Variants in LEKR1 observed in about 807,000 individuals in gnomAD.
LEKR1 encodes the protein leucine, glutamate and lysine rich 1.
In LEKR1, 59 loss-of-function variants were observed where a neutral mutation model predicts 72.4. That is an observed-to-expected ratio of 0.82 (90% CI 0.66 to 1.01). The LOEUF (loss-of-function observed/expected upper bound fraction) is 1.01. Among genes scored for constraint, LEKR1 ranks in the 50% least tolerant of loss-of-function variants. The pLI, the probability that LEKR1 is intolerant of heterozygous loss-of-function variation, is 0.00. For missense variants in LEKR1, 728 were observed against 759.2 expected, an observed-to-expected ratio of 0.96 and a Z score of 0.48; for synonymous variants, 257 against 263.2, an observed-to-expected ratio of 0.98 and a Z score of 0.23.
At chr3:156,893,489 G>A (rs1720863116) in intron 3 of LEKR1, among the ~76,000 whole-genome samples, 1 of 152,140 alleles carries the variant, frequency 6.6e-6, no homozygotes, top group Non-Finnish European at 1.5e-5. Context: ...GTTGGAGGTG[G>A]GGCCTGGTGG....
chr3:156,879,801 C>A (rs981155412), intron 3 of LEKR1, among the ~76,000 whole-genome samples: 1 of 152,232 alleles, frequency 6.6e-6, no homozygotes, highest in African/African-American at 2.4e-5. Context: ...CAAGGTACAG[C>A]TCGGGTTGTG....
intron 9 of LEKR1, among the ~76,000 whole-genome samples, chr3:157,011,146 C>A (rs1455578646): frequency 6.6e-6 from 1 of 152,006 alleles, no homozygotes; most frequent in Non-Finnish European, 1.5e-5. Flanking sequence ...TGTGACTCTG[C>A]ATATGTAGTT....
intron 3 of LEKR1, among the ~76,000 whole-genome samples, chr3:156,882,346 T>C (rs1254761536): frequency 2.0e-5 from 3 of 151,268 alleles, no homozygotes; most frequent in Non-Finnish European, 4.4e-5. Context: ...GCGAAGGACA[T>C]GAACAGACAC....
intron 3 of LEKR1, among the ~76,000 whole-genome samples, chr3:156,867,684 C>G (rs1576695034): frequency 6.6e-6 from 1 of 151,944 alleles, no homozygotes; most frequent in African/African-American, 2.4e-5. Flanking sequence ...TAGGTATATA[C>G]TGTCTTATTT....
chr3:157,000,809 A>G (rs756468858), intron 9 of LEKR1, among the ~76,000 whole-genome samples: 5 of 152,202 alleles, frequency 3.3e-5, no homozygotes, highest in Non-Finnish European at 7.3e-5. Flanking sequence ...CCCCACCCAA[A>G]TCTCATCTTG....
intron 5 of LEKR1, among the ~76,000 whole-genome samples, chr3:156,931,207 G>A (rs535909746): frequency 2.0e-5 from 3 of 152,162 alleles, no homozygotes; most frequent in African/African-American, 7.2e-5. Flanking sequence ...AATAATAAAA[G>A]TATTCAATCA....
intron 5 of LEKR1, among the ~76,000 whole-genome samples, chr3:156,930,142 T>C (rs1369838327): frequency 1.3e-5 from 2 of 152,102 alleles, no homozygotes; most frequent in African/African-American, 4.8e-5. Context: ...CATATAAGGC[T>C]GGATGGACTT....
chr3:157,013,997 A>T (rs180769363), intron 10 of LEKR1, among the ~76,000 whole-genome samples: 1 of 152,196 alleles, frequency 6.6e-6, no homozygotes, highest in Admixed American at 6.6e-5. Flanking sequence ...GGCACATTTT[A>T]AAATAACTAC....
chr3:157,037,948 T>TA (rs1735080263), intron 12 of LEKR1, among the ~76,000 whole-genome samples: 1 of 152,098 alleles, frequency 6.6e-6, no homozygotes, highest in African/African-American at 2.4e-5. Context: ...TGCTGGAGCT[T>TA]AGTGAGCAAG....
At chr3:157,023,646 C>A (rs1733992816) in intron 10 of LEKR1, among the ~76,000 whole-genome samples, 1 of 152,160 alleles carries the variant, frequency 6.6e-6, no homozygotes, top group Non-Finnish European at 1.5e-5. Context: ...CTCGTTATAA[C>A]CCTACCAGGA....
At chr3:157,010,328 T>C (rs918545327) in intron 9 of LEKR1, among the ~76,000 whole-genome samples, 5 of 151,928 alleles carry the variant, frequency 3.3e-5, no homozygotes, top group Admixed American at 2.6e-4. Flanking sequence ...TACTGCATGG[T>C]TGTAGTAAAA....
intron 6 of LEKR1, among the ~76,000 whole-genome samples, chr3:156,947,711 G>A (rs535114658): frequency 2.4e-4 from 36 of 151,182 alleles, no homozygotes; most frequent in African/African-American, 8.5e-4. Flanking sequence ...GGAACTGTCT[G>A]TACTAGCAAC....
intron 10 of LEKR1, chr3:157,017,296 A>C (rs1349806022): frequency 1.3e-5 from 2 of 152,230 alleles, no homozygotes; most frequent in African/African-American, 4.8e-5. Context: ...ATCTTGGATA[A>C]AAATGCAACA....
chr3:156,972,663 TTAA>T (rs1285335505), intron 6 of LEKR1, among the ~76,000 whole-genome samples: 1 of 150,968 alleles, frequency 6.6e-6, no homozygotes, highest in African/African-American at 2.4e-5. Flanking sequence ...CAAATATATC[TTAA>T]TGATATTTGT....
chr3:156,933,796 T>C (rs1039795149), intron 5 of LEKR1, among the ~76,000 whole-genome samples: 1 of 152,220 alleles, frequency 6.6e-6, no homozygotes, highest in African/African-American at 2.4e-5. Flanking sequence ...ATATCAGTTA[T>C]ATAGTGCAGT....
chr3:156,991,956 G>A (rs757050487), intron 7 of LEKR1, among the ~76,000 whole-genome samples: 7 of 152,270 alleles, frequency 4.6e-5, no homozygotes, highest in Non-Finnish European at 7.4e-5. Flanking sequence ...TATTGTTGTC[G>A]TTGTTATTGT....
chr3:156,972,867 T>A (rs35874547), intron 6 of LEKR1, among the ~76,000 whole-genome samples: 92,711 of 151,524 alleles, frequency 0.61, 29,491 homozygotes, highest in Admixed American at 0.74. Flanking sequence ...AGATTAATTT[T>A]TCATTCACCA....
Position 156,829,274 on chromosome 3 carries a change from C to A in LEKR1, c.-44-12C>A. The stretch of plus-strand genomic sequence containing the variant: ...TTATTTCTGTTCTGACTGTTGCCAT[C>A]AATGTTCTTAGATTTCCTTTGGCTT... On this transcript the variant is annotated splice_polypyrimidine_tract_variant and intron_variant, in intron 1 of 12. Transcript: ENST00000356539. 1 of 988,938 alleles carries A rather than the reference C, an allele frequency of 1.0e-6. No individual in the cohort carries two copies. Among genetic ancestry groups the A allele is most frequent in the Non-Finnish European group, 1.5e-6 (1 of 651,446 alleles). 61.3% of individuals were successfully genotyped at this position (988,938 alleles called of 1,614,324 possible). A position where few individuals can be genotyped will look rare whatever the true frequency, so the allele number is the denominator to read the frequency against.
chr3:157,007,004 C>A (rs1435967029), intron 9 of LEKR1, among the ~76,000 whole-genome samples: 2 of 152,086 alleles, frequency 1.3e-5, no homozygotes, highest in African/African-American at 2.4e-5. Flanking sequence ...GCGAGACCAT[C>A]CTGGCTAACA....
Sources: gnomAD v4.1 joint callset for allele counts (sites outside exome capture counted in the v4.1 genomes callset) on GRCh38, gnomAD v4.1.1 for gene constraint, MANE v1.5 for transcripts, NCBI Gene and HGNC (gene_info 2026-07-23, HGNC 2026-07-21) for gene names.